Variants in ZNF804A observed in about 807,000 individuals in gnomAD.
The protein encoded by ZNF804A is zinc finger protein 804A.
In ZNF804A, 2 loss-of-function variants were observed where a neutral mutation model predicts 16.5. That is an observed-to-expected ratio of 0.12 (90% CI 0.05 to 0.38). ZNF804A has a LOEUF of 0.38. ZNF804A is among the 10% of genes least tolerant of loss of function. The pLI is 0.99. For missense variants in ZNF804A, 1,473 were observed against 1,390.7 expected (o/e 1.06, Z -0.94); for synonymous variants, 534 against 489.6 (o/e 1.09, Z -1.20).
At chr2:184,623,253 G>A (rs1022094799) in intron 1 of ZNF804A, among the ~76,000 whole-genome samples, 1 of 152,020 alleles carries the variant, frequency 6.6e-6, no homozygotes, top group African/African-American at 2.4e-5. Context: ...GAAGTAATGG[G>A]ATATTAGAAA....
rs139826553 is a variant in ZNF804A, at chr2:184,936,370, G to T, written c.974G>T (p.Cys325Phe). 4.0e-4 allele frequency: 645 copies of T among 1,613,972 alleles called. 5 individuals are homozygous for T. In the East Asian group the frequency reaches 5.4e-3, roughly 13 times the overall value. ...QLQLSSDADN[C>F]QNSVPLADQI... ...CAGTTATCTTCTGATGCAGATAATT[G>T]TCAAAATTCAGTCCCATTAGCAGAT... The change falls in exon 4 of 4, where the codon TGT becomes TTT. Residue 325 changes from cysteine (C) to phenylalanine (F), a missense_variant. By Grantham distance (205) the Cys-to-Phe change is radical (BLOSUM62 -2). Coordinates refer to ENST00000302277, the MANE Select transcript of ZNF804A (RefSeq NM_194250.2).
chr2:184,779,148 A>T (rs1035473578), intron 1 of ZNF804A, among the ~76,000 whole-genome samples: 1 of 151,578 alleles, frequency 6.6e-6, no homozygotes, highest in Non-Finnish European at 1.5e-5. Context: ...TTCTGAGGTC[A>T]CTAGGATGCC....
intron 2 of ZNF804A, among the ~76,000 whole-genome samples, chr2:184,877,346 G>C (rs937390787): frequency 2.0e-5 from 3 of 151,986 alleles, no homozygotes; most frequent in Non-Finnish European, 4.4e-5. Context: ...ATTATTCTTA[G>C]TAAGTTCAAA....
intron 1 of ZNF804A, among the ~76,000 whole-genome samples, chr2:184,832,940 A>G (rs1574233317): frequency 6.6e-6 from 1 of 151,918 alleles, no homozygotes; most frequent in Non-Finnish European, 1.5e-5. Flanking sequence ...TTTTCTCGTA[A>G]TTTATGCTGC....
chr2:184,640,052 C>T (rs1691769631), intron 1 of ZNF804A, among the ~76,000 whole-genome samples: 1 of 151,776 alleles, frequency 6.6e-6, no homozygotes, highest in African/African-American at 2.4e-5. Flanking sequence ...AAATAGAGAT[C>T]AAGGTAACTC....
intron 2 of ZNF804A, among the ~76,000 whole-genome samples, chr2:184,877,223 T>G (rs1684712332): frequency 6.6e-6 from 1 of 152,128 alleles, no homozygotes; most frequent in Admixed American, 6.6e-5. Flanking sequence ...AAATACACTT[T>G]CTAAGAATAA....
At chr2:184,654,255 A>G (rs952109403) in intron 1 of ZNF804A, among the ~76,000 whole-genome samples, 5 of 152,270 alleles carry the variant, frequency 3.3e-5, no homozygotes, top group Non-Finnish European at 7.4e-5. Context: ...GGCCTTAGGT[A>G]TTTTCTGCTT....
intron 1 of ZNF804A, among the ~76,000 whole-genome samples, chr2:184,797,434 T>A (rs927997342): frequency 1.3e-5 from 2 of 152,110 alleles, no homozygotes; most frequent in Admixed American, 6.6e-5. Context: ...TTGTCTGATA[T>A]AAAGAATAGC....
At chr2:184,759,275 C>T (rs950217498) in intron 1 of ZNF804A, among the ~76,000 whole-genome samples, 1 of 151,044 alleles carries the variant, frequency 6.6e-6, no homozygotes, top group African/African-American at 2.4e-5. Flanking sequence ...GTATAGCATG[C>T]TAAATGCAAT....
chr2:184,839,146 C>G (rs1294284154), intron 1 of ZNF804A, among the ~76,000 whole-genome samples: 1 of 152,034 alleles, frequency 6.6e-6, no homozygotes, highest in African/African-American at 2.4e-5. Flanking sequence ...GTAAACCTAA[C>G]CTAAACTGCC....
At chr2:184,800,719 C>T (rs1694711149) in intron 1 of ZNF804A, among the ~76,000 whole-genome samples, 1 of 151,870 alleles carries the variant, frequency 6.6e-6, no homozygotes, top group Non-Finnish European at 1.5e-5. Context: ...ATACTCTTCA[C>T]ATGTAGTGTT....
At position 184,936,102 on chromosome 2, in the gene ZNF804A, T is replaced by C; in HGVS notation, c.706T>C (p.Tyr236His). Residue 236 changes from tyrosine to histidine, a missense_variant, in exon 4 of 4, where the codon TAC (tyrosine) becomes CAC (histidine). Physicochemically the swap from Tyr to His is moderately conservative, Grantham distance 83. Transcript: ENST00000302277. ...GTCCTCAGCTGCAGCCTTCTCTGAA[T>C]ACAGTGATGATGCCTCAGTGGGAAA... is the stretch of plus-strand genomic sequence containing the variant. ...LESSAAAFSE[Y>H]SDDASVGKGF... is the part of the protein sequence containing the mutation. The C allele has an allele frequency of 6.2e-7, 1 of 1,614,028 alleles. No homozygotes were observed. Among genetic ancestry groups the C allele is most frequent in the Non-Finnish European group, 8.5e-7 (1 of 1,179,950 alleles).
At chr2:184,754,877 C>T (rs1249943037) in intron 1 of ZNF804A, among the ~76,000 whole-genome samples, 1 of 151,640 alleles carries the variant, frequency 6.6e-6, no homozygotes, top group East Asian at 1.9e-4. Flanking sequence ...AGAAGCAAGG[C>T]GTGTCTTACT....
intron 1 of ZNF804A, among the ~76,000 whole-genome samples, chr2:184,780,739 T>C (rs762364824): frequency 6.6e-6 from 1 of 151,782 alleles, no homozygotes; most frequent in Admixed American, 6.6e-5. Flanking sequence ...AAACCATAAA[T>C]GCTAGGTCTT....
chr2:184,771,651 G>A (rs1358753563), intron 1 of ZNF804A, among the ~76,000 whole-genome samples: 1 of 151,802 alleles, frequency 6.6e-6, no homozygotes, highest in Non-Finnish European at 1.5e-5. Context: ...AGATCAACTG[G>A]ATAAAAGTCT....
intron 2 of ZNF804A, among the ~76,000 whole-genome samples, chr2:184,876,900 G>A (rs1486798657): frequency 6.6e-6 from 1 of 151,990 alleles, no homozygotes; most frequent in Non-Finnish European, 1.5e-5. Flanking sequence ...AAAAAAGAAT[G>A]CAAGAGATAA....
At chr2:184,902,089 A>G (rs7603001) in intron 2 of ZNF804A, 64,925 of 152,072 alleles carry the variant, frequency 0.43, 16,866 homozygotes, top group East Asian at 0.82. Flanking sequence ...ATATGTACTT[A>G]GAATTAGCTA....
chr2:184,718,414 C>T (rs936600745), intron 1 of ZNF804A, among the ~76,000 whole-genome samples: 5 of 152,096 alleles, frequency 3.3e-5, no homozygotes, highest in African/African-American at 1.2e-4. Flanking sequence ...TCCCAAGAGT[C>T]CCCCAAAGAT....
intron 1 of ZNF804A, among the ~76,000 whole-genome samples, chr2:184,736,295 G>A (rs1693611257): frequency 1.3e-5 from 2 of 152,008 alleles, no homozygotes; most frequent in African/African-American, 4.8e-5. Flanking sequence ...AAATATTTTT[G>A]TTCGATATTA....
Sources: gnomAD v4.1 joint callset for allele counts (sites outside exome capture counted in the v4.1 genomes callset) on GRCh38, gnomAD v4.1.1 for gene constraint, MANE v1.5 for transcripts, NCBI Gene and HGNC (gene_info 2026-07-23, HGNC 2026-07-21) for gene names.